Variants in MYO3B observed in about 807,000 individuals in gnomAD.
The protein encoded by MYO3B is myosin-IIIb.
A neutral mutation model predicts 174.6 loss-of-function variants in MYO3B; 156 were observed. The observed-to-expected ratio is 0.89, with a 90% CI of 0.78 to 1.02. The LOEUF (loss-of-function observed/expected upper bound fraction) is 1.02. Among genes scored for constraint, MYO3B ranks in the 50% least tolerant of loss-of-function variants. MYO3B has a pLI of 0.00. For synonymous variants in MYO3B, 563 were observed against 569.1 expected (o/e 0.99, Z 0.15); for missense variants, 1,632 against 1,639.4 (o/e 1.00, Z 0.08).
At chr2:170,268,879 G>T (rs1171378899) in intron 7 of MYO3B, among the ~76,000 whole-genome samples, 1 of 152,024 alleles carries the variant, frequency 6.6e-6, no homozygotes, top group African/African-American at 2.4e-5. Context: ...AATACAAATG[G>T]CCATTCAAAA....
chr2:170,235,339 C>T (rs2093058459), intron 6 of MYO3B, among the ~76,000 whole-genome samples: 1 of 152,240 alleles, frequency 6.6e-6, no homozygotes, highest in South Asian at 2.1e-4. Flanking sequence ...CACAGGGTTA[C>T]AGACTCCTCA....
chr2:170,269,706 G>T (rs543296276), intron 7 of MYO3B, among the ~76,000 whole-genome samples: 1 of 152,264 alleles, frequency 6.6e-6, no homozygotes, highest in East Asian at 1.9e-4. Flanking sequence ...GTAGGGAAAT[G>T]GCCAAACAAT....
At chr2:170,280,794 G>A (rs1479362197) in intron 7 of MYO3B, among the ~76,000 whole-genome samples, 2 of 151,930 alleles carry the variant, frequency 1.3e-5, no homozygotes, top group Non-Finnish European at 2.9e-5. Context: ...ATAGGTGTGC[G>A]GCCTTATTTC....
chr2:170,513,515 G>T (rs1325034390), intron 28 of MYO3B, among the ~76,000 whole-genome samples: 1 of 152,052 alleles, frequency 6.6e-6, no homozygotes, highest in Admixed American at 6.5e-5. Flanking sequence ...TTGGCTTTAG[G>T]ACCCACCTTC....
intron 8 of MYO3B, chr2:170,340,755 G>A (rs909314178): frequency 6.6e-6 from 1 of 152,140 alleles, no homozygotes; most frequent in Non-Finnish European, 1.5e-5. Context: ...TATATGGCAG[G>A]TCACCTGTCA....
chr2:170,596,578 T>G (rs1445264971), intron 32 of MYO3B, among the ~76,000 whole-genome samples: 1 of 152,254 alleles, frequency 6.6e-6, no homozygotes, highest in East Asian at 1.9e-4. Context: ...TCTGACTACA[T>G]GTTTTCTCCC....
In MYO3B at chr2:170,232,154, C is replaced by T. The variant is rs548535304; in HGVS notation, c.604-3837C>T. 3.3e-5 allele frequency among the ~76,000 whole-genome samples: 5 copies of T among 152,294 alleles called. No homozygotes were observed. The South Asian group carries it at 6.2e-4, about 19-fold the overall frequency. ...GAGTTCTTTTTGAGGTCACCTTCTCCTGGGGACAAGGGAAGAAAGACCATT... is the reference window on the plus strand; with the variant it reads ...GAGTTCTTTTTGAGGTCACCTTCTCTTGGGGACAAGGGAAGAAAGACCATT... On this transcript the variant is annotated intron_variant, in intron 6 of 34. Transcript: ENST00000408978.
chr2:170,441,960 C>T (rs558131305), intron 22 of MYO3B, among the ~76,000 whole-genome samples: 1 of 152,300 alleles, frequency 6.6e-6, no homozygotes, highest in East Asian at 1.9e-4. Flanking sequence ...CCTGGGAATG[C>T]AGCCCAGTAG....
intron 32 of MYO3B, among the ~76,000 whole-genome samples, chr2:170,559,103 T>A (rs1314700303): frequency 3.3e-5 from 5 of 152,218 alleles, no homozygotes; most frequent in Non-Finnish European, 4.4e-5. Context: ...TTTCAAGGTC[T>A]TTTGTTCAAC....
chr2:170,351,732 A>G (rs10930422), intron 8 of MYO3B, among the ~76,000 whole-genome samples: 1 of 151,980 alleles, frequency 6.6e-6, no homozygotes, highest in Non-Finnish European at 1.5e-5. Context: ...CCTAAAGCTG[A>G]GGAAGACAAC....
At chr2:170,291,470 C>T (rs10177847) in intron 7 of MYO3B, among the ~76,000 whole-genome samples, 77,782 of 151,950 alleles carry the variant, frequency 0.51, 20,338 homozygotes, top group East Asian at 0.67. Context: ...CCAAAATTTA[C>T]GGTAATAGAA....
In MYO3B at chr2:170,404,420, C is replaced by T; in HGVS notation, c.2431+20C>T. ...TGGTTGGTAGGTAACTTCTGAGAAA[C>T]AGGCATATACATTTAGAACAAAACT... is the stretch of plus-strand genomic sequence containing the variant. On this transcript the variant is annotated intron_variant, in intron 20 of 34. Transcript: ENST00000408978. 6.3e-7 allele frequency: 1 copy of T among 1,588,364 alleles called. No individual in the cohort carries two copies. Among genetic ancestry groups the T allele is most frequent in the Non-Finnish European group, 8.5e-7 (1 of 1,170,080 alleles).
At chr2:170,422,115 C>G (rs1218098376) in intron 22 of MYO3B, among the ~76,000 whole-genome samples, 3 of 152,162 alleles carry the variant, frequency 2.0e-5, no homozygotes, top group Non-Finnish European at 4.4e-5. Context: ...TAAGAAGAGC[C>G]TCCAGATTAG....
At chr2:170,605,736 T>A in intron 32 of MYO3B, among the ~76,000 whole-genome samples, 1 of 151,980 alleles carries the variant, frequency 6.6e-6, no homozygotes, top group Non-Finnish European at 1.5e-5. Flanking sequence ...GGCGGGCGCC[T>A]GTAATCCCAG....
intron 32 of MYO3B, among the ~76,000 whole-genome samples, chr2:170,562,875 CA>C (rs1333424989): frequency 6.6e-6 from 1 of 152,052 alleles, no homozygotes; most frequent in African/African-American, 2.4e-5. Context: ...TGTCATGTCA[CA>C]GTTAACTCTT....
chr2:170,602,471 A>C (rs904989876), intron 32 of MYO3B, among the ~76,000 whole-genome samples: 1 of 152,212 alleles, frequency 6.6e-6, no homozygotes, highest in Non-Finnish European at 1.5e-5. Context: ...TGCTGCACTT[A>C]TAACAAAGTT....
chr2:170,542,642 C>G (rs1559099838), intron 30 of MYO3B, among the ~76,000 whole-genome samples: 2 of 152,154 alleles, frequency 1.3e-5, no homozygotes, highest in African/African-American at 4.8e-5. Flanking sequence ...AAACCAAAGC[C>G]AATCACACAA....
intron 23 of MYO3B, among the ~76,000 whole-genome samples, chr2:170,445,507 A>G (rs1246520303): frequency 6.6e-6 from 1 of 151,924 alleles, no homozygotes; most frequent in Non-Finnish European, 1.5e-5. Flanking sequence ...TGGCCTAGCT[A>G]ATTTTGTATT....
At chr2:170,339,170 G>T (rs1002611216) in intron 8 of MYO3B, among the ~76,000 whole-genome samples, 4 of 152,168 alleles carry the variant, frequency 2.6e-5, no homozygotes, top group African/African-American at 2.4e-5. Flanking sequence ...TTCATTATTG[G>T]AGGGACTGGG....
Sources: allele counts gnomAD v4.1 joint callset (sites outside exome capture counted in the v4.1 genomes callset), GRCh38; gene constraint gnomAD v4.1.1; transcripts MANE v1.5; gene names NCBI Gene and HGNC (gene_info 2026-07-23, HGNC 2026-07-21).